Variants in TLK1 observed in about 807,000 individuals in gnomAD.
TLK1 encodes the protein tousled like kinase 1.
TLK1 carries 24 observed loss-of-function variants against 105.3 expected under a neutral mutation model. The observed-to-expected ratio is 0.23, with a 90% CI of 0.17 to 0.32. TLK1 has a LOEUF of 0.32. Ranked by LOEUF, TLK1 falls within the 10% of genes least tolerant of loss-of-function variation. The probability of loss-of-function intolerance (pLI) is 1.00; values close to 1 mark genes in which losing one functional copy is unlikely to be tolerated. For missense variants in TLK1, 558 were observed against 910.5 expected (o/e 0.61, Z 4.98); for synonymous variants, 321 against 310.4 (o/e 1.03, Z -0.36).
intron 1 of TLK1, among the ~76,000 whole-genome samples, chr2:171,133,825 A>T (rs73013436): frequency 0.14 from 20,530 of 151,644 alleles, 2,381 homozygotes; most frequent in African/African-American, 0.32. Context: ...CCAAGTCTAA[A>T]CATAACATTT....
intron 3 of TLK1, among the ~76,000 whole-genome samples, chr2:171,072,036 C>T (rs912303401): frequency 6.6e-6 from 1 of 152,074 alleles, no homozygotes; most frequent in Non-Finnish European, 1.5e-5. Context: ...TAATGTGATT[C>T]GTCTGGTTTT....
chr2:170,997,107 C>A (rs1249346860), intron 19 of TLK1, among the ~76,000 whole-genome samples: 1 of 152,154 alleles, frequency 6.6e-6, no homozygotes, highest in Non-Finnish European at 1.5e-5. Flanking sequence ...ATGTCTATGA[C>A]AATTTCCAAA....
At chr2:171,184,995 T>C (rs1003429992) in intron 1 of TLK1, among the ~76,000 whole-genome samples, 6 of 152,122 alleles carry the variant, frequency 3.9e-5, no homozygotes, top group Non-Finnish European at 5.9e-5. Flanking sequence ...CCCGCCACCA[T>C]GCCCAGCTAA....
At chr2:171,092,911 T>G (rs560161766) in intron 2 of TLK1, among the ~76,000 whole-genome samples, 110 of 152,138 alleles carry the variant, frequency 7.2e-4, no homozygotes, top group African/African-American at 2.4e-3. Context: ...AAACAGACAC[T>G]GGCCTTATTT....
At chr2:171,230,665 T>C (rs1270657161) in intron 1 of TLK1, among the ~76,000 whole-genome samples, 2 of 152,292 alleles carry the variant, frequency 1.3e-5, no homozygotes, top group Non-Finnish European at 2.9e-5. Context: ...TTAAACTGCT[T>C]TCTTTTCTGC....
intron 1 of TLK1, among the ~76,000 whole-genome samples, chr2:171,124,466 T>C (rs748047410): frequency 6.6e-6 from 1 of 152,222 alleles, no homozygotes; most frequent in South Asian, 2.1e-4. Flanking sequence ...TGTGAAAATA[T>C]ACTTTACCAC....
At chr2:171,217,805 TAAC>T (rs1693741391) in intron 1 of TLK1, among the ~76,000 whole-genome samples, 1 of 152,202 alleles carries the variant, frequency 6.6e-6, no homozygotes, top group Non-Finnish European at 1.5e-5. Context: ...TATAAAGCAA[TAAC>T]AAAAATTTCT....
chr2:171,210,931 T>A (rs1462205728), intron 1 of TLK1, among the ~76,000 whole-genome samples: 10 of 151,968 alleles, frequency 6.6e-5, no homozygotes, highest in Admixed American at 5.9e-4. Context: ...GCTGAGAGAG[T>A]AACTTCAGCC....
At chr2:171,070,741 A>G (rs1022575082) in intron 3 of TLK1, among the ~76,000 whole-genome samples, 5 of 152,206 alleles carry the variant, frequency 3.3e-5, no homozygotes, top group African/African-American at 1.2e-4. Flanking sequence ...ATGGGAGTGC[A>G]GGTATCTCTT....
At chr2:171,014,722 A>G (rs763524243) in intron 13 of TLK1, 129 bp downstream of exon 13, 1 of 683,716 alleles carries the variant, frequency 1.5e-6, no homozygotes, top group Non-Finnish European at 2.5e-6. Flanking sequence ...CTTCCAAGCC[A>G]TGGGAAGGAC....
intron 2 of TLK1, among the ~76,000 whole-genome samples, chr2:171,091,423 T>C (rs1342802538): frequency 1.3e-5 from 2 of 152,212 alleles, no homozygotes; most frequent in African/African-American, 4.8e-5. Context: ...TCAAGTCTTA[T>C]GATTCAGAAC....
At chr2:171,043,094 T>C (rs1686767796) in intron 11 of TLK1, among the ~76,000 whole-genome samples, 1 of 152,070 alleles carries the variant, frequency 6.6e-6, no homozygotes, top group Non-Finnish European at 1.5e-5. Flanking sequence ...ATGAAAATGT[T>C]ATGGAAACAG....
At chr2:171,226,830 C>G (rs1319590695) in intron 1 of TLK1, among the ~76,000 whole-genome samples, 1 of 152,136 alleles carries the variant, frequency 6.6e-6, no homozygotes, top group Non-Finnish European at 1.5e-5. Context: ...TGAAACTACT[C>G]TTATGTAAAA....
intron 18 of TLK1, among the ~76,000 whole-genome samples, chr2:171,003,859 T>G (rs1259117671): frequency 1.3e-5 from 2 of 152,254 alleles, no homozygotes; most frequent in Admixed American, 1.3e-4. Context: ...TAACTTCTTG[T>G]AATAGATTTG....
At chr2:171,012,510 AG>A (rs1331511055) in intron 13 of TLK1, among the ~76,000 whole-genome samples, 1 of 152,118 alleles carries the variant, frequency 6.6e-6, no homozygotes, top group East Asian at 1.9e-4. Flanking sequence ...TTTTGGAGAC[AG>A]AGTCTCGCTC....
intron 2 of TLK1, among the ~76,000 whole-genome samples, chr2:171,083,761 T>C (rs1179607087): frequency 6.6e-6 from 1 of 152,174 alleles, no homozygotes; most frequent in Non-Finnish European, 1.5e-5. Flanking sequence ...GTGACAACTC[T>C]GAGCCATTGC....
At chr2:171,016,501 C>G (rs1198150241) in intron 12 of TLK1, among the ~76,000 whole-genome samples, 1 of 152,186 alleles carries the variant, frequency 6.6e-6, no homozygotes, top group East Asian at 1.9e-4. Flanking sequence ...TGTGTACCCA[C>G]TAGAATTATA....
intron 1 of TLK1, among the ~76,000 whole-genome samples, chr2:171,149,359 AT>A (rs1691938702): frequency 6.6e-6 from 1 of 152,112 alleles, no homozygotes; most frequent in African/African-American, 2.4e-5. Flanking sequence ...ATCCCACCCT[AT>A]CAAAAACAAA....
chr2:171,056,464 G>A lies in TLK1; in HGVS notation c.549+7C>T, dbSNP rs554030941. ...ACTACACATGAAAAACTTGAAAGAT[G>A]ACTTACAGATGAGGAAGGAGTGGAA... On this transcript the variant is annotated splice_region_variant and intron_variant, in intron 6 of 20. Transcript: ENST00000431350. 21 of 1,609,800 alleles carry A rather than the reference G, an allele frequency of 1.3e-5. No individual in the cohort carries two copies. The South Asian group carries it at 2.2e-4, about 17-fold the overall frequency.
Sources: gnomAD v4.1 joint callset for allele counts (sites outside exome capture counted in the v4.1 genomes callset) on GRCh38, gnomAD v4.1.1 for gene constraint, MANE v1.5 for transcripts, NCBI Gene and HGNC (gene_info 2026-07-23, HGNC 2026-07-21) for gene names.